The following CLUAP1 variants were observed in gnomAD, a reference collection of about 807,000 sequenced individuals.
CLUAP1 encodes the protein clusterin-associated protein 1.
In CLUAP1, 50 loss-of-function variants were observed where a neutral mutation model predicts 55.0. The observed-to-expected ratio is 0.91, with a 90% CI of 0.72 to 1.15. CLUAP1 has a LOEUF of 1.15. Ranked by LOEUF, CLUAP1 falls within the 50% of genes most tolerant of loss-of-function variation. CLUAP1 has a pLI of 0.00. For synonymous variants in CLUAP1, 195 were observed against 175.4 expected, an observed-to-expected ratio of 1.11 and a Z score of -0.88; for missense variants, 530 against 507.6, an observed-to-expected ratio of 1.04 and a Z score of -0.42.
chr16:3,500,918 T>C (rs533287060), upstream of CLUAP1: 12 of 818,000 alleles, frequency 1.5e-5, no homozygotes, highest in Middle Eastern at 3.4e-4. Flanking sequence ...CGTATGCACG[T>C]GCCGCCGCGT....
chr16:3,523,739 C>T (rs1253637391), intron 8 of CLUAP1, among the ~76,000 whole-genome samples: 3 of 152,074 alleles, frequency 2.0e-5, no homozygotes, highest in East Asian at 1.9e-4. Flanking sequence ...CCAAGACGAG[C>T]GGATCACTTG....
intron 8 of CLUAP1, among the ~76,000 whole-genome samples, chr16:3,525,142 A>G (rs750420629): frequency 6.6e-6 from 1 of 152,238 alleles, no homozygotes; most frequent in East Asian, 1.9e-4. Flanking sequence ...GAGGCAGGCC[A>G]TGGAGAAATG....
At chr16:3,521,199 C>T (rs2037825764) in intron 7 of CLUAP1, among the ~76,000 whole-genome samples, 1 of 151,996 alleles carries the variant, frequency 6.6e-6, no homozygotes, top group Non-Finnish European at 1.5e-5. Context: ...TCATTGCCGC[C>T]ATATAGATTG....
At chr16:3,509,524 T>C (rs2037578544) in intron 4 of CLUAP1, among the ~76,000 whole-genome samples, 1 of 152,194 alleles carries the variant, frequency 6.6e-6, no homozygotes, top group Admixed American at 6.5e-5. Context: ...ACCGTGGCTT[T>C]GAGCAGAGTG....
At chr16:3,509,082 C>T (rs560742524) in intron 4 of CLUAP1, among the ~76,000 whole-genome samples, 74 of 151,938 alleles carry the variant, frequency 4.9e-4, no homozygotes, top group African/African-American at 1.6e-3. Context: ...CATAGTGAGA[C>T]GCCATTTTTA....
chr16:3,527,344 G>GGGGA (rs2151064526), intron 9 of CLUAP1, among the ~76,000 whole-genome samples: 1 of 152,214 alleles, frequency 6.6e-6, no homozygotes, highest in East Asian at 1.9e-4. Flanking sequence ...TAGGAGCTGA[G>GGGGA]GGGACATGGT....
At chr16:3,507,434 C>A (rs1417057194) in intron 3 of CLUAP1, among the ~76,000 whole-genome samples, 1 of 151,362 alleles carries the variant, frequency 6.6e-6, no homozygotes, top group Non-Finnish European at 1.5e-5. Context: ...GTGACACGTG[C>A]CTGTAGTCTC....
intron 1 of CLUAP1, among the ~76,000 whole-genome samples, chr16:3,501,327 C>G (rs2037396387): frequency 1.3e-5 from 2 of 152,256 alleles, no homozygotes; most frequent in African/African-American, 4.8e-5. Flanking sequence ...CCGCGTGTGG[C>G]TCAGAACGCT....
At chr16:3,519,553 G>A (rs1415177718) in intron 6 of CLUAP1, among the ~76,000 whole-genome samples, 2 of 152,198 alleles carry the variant, frequency 1.3e-5, no homozygotes, top group Middle Eastern at 3.2e-3. Flanking sequence ...AAGGCAGACT[G>A]ACCGTCCAGA....
At chr16:3,519,611 G>T (rs1160504273) in intron 6 of CLUAP1, among the ~76,000 whole-genome samples, 1 of 152,168 alleles carries the variant, frequency 6.6e-6, no homozygotes, top group Non-Finnish European at 1.5e-5. Flanking sequence ...AAAGACTGCA[G>T]GCCTCTCCAC....
intron 8 of CLUAP1, 94 bp from the exon 9 acceptor site, chr16:3,526,318 G>T: frequency 1.4e-6 from 1 of 697,784 alleles, no homozygotes; most frequent in Non-Finnish European, 2.1e-6. Flanking sequence ...TTGTTCTGTA[G>T]CACAAACTTA....
Position 3,525,765 on chromosome 16 carries a change from C to T in CLUAP1, c.856-647C>T, listed in dbSNP as rs190408293. Among the ~76,000 whole-genome samples the T allele has an allele frequency of 4.3e-4, 66 of 152,220 alleles. 1 individual carries two copies. The highest frequency in any genetic ancestry group is 4.1e-3 in the Admixed American group (63 of 15,290). ...AATTTGTTGTAGAGATGAGGTTTCC[C>T]TATGTTGCCCAGGCTGGTCTCAAAC... On this transcript the variant is annotated intron_variant, in intron 8 of 11. Transcript: ENST00000576634.
At chr16:3,505,730 T>G (rs2037494443) in intron 2 of CLUAP1, among the ~76,000 whole-genome samples, 1 of 152,240 alleles carries the variant, frequency 6.6e-6, no homozygotes, top group African/African-American at 2.4e-5. Context: ...TACACTGGAT[T>G]AGAAATAATG....
intron 7 of CLUAP1, 75 bp from the exon 8 acceptor site, chr16:3,523,083 C>A (rs2037872357): frequency 7.9e-7 from 1 of 1,267,460 alleles, no homozygotes; most frequent in Non-Finnish European, 1.1e-6. Flanking sequence ...ACCATGGAAT[C>A]TGAAACTGTG....
In CLUAP1 at chr16:3,536,223, A is replaced by C. The variant is rs1293097782; in HGVS notation, c.1194A>C (p.Arg398=). The C allele has an allele frequency of 1.9e-6, 3 of 1,614,162 alleles. No homozygotes were observed. The highest frequency in any genetic ancestry group is 2.5e-6 in the Non-Finnish European group (3 of 1,180,024). ...SISLSPTKPN[R]RVRKSEPLDE... The stretch of plus-strand genomic sequence containing the variant: ...CTCTCTCACCAACCAAGCCCAATCG[A>C]AGGGTCCGGAAATCTGAACCCCTGG... Residue 398 remains arginine (R), a synonymous_variant, in exon 12 of 12, where the codon CGA becomes CGC. Coordinates refer to ENST00000576634, the MANE Select transcript of CLUAP1 (RefSeq NM_015041.3).
At chr16:3,524,327 C>T (rs994373843) in intron 8 of CLUAP1, among the ~76,000 whole-genome samples, 1 of 146,620 alleles carries the variant, frequency 6.8e-6, no homozygotes, top group African/African-American at 2.5e-5. Context: ...AAGGGCCGGG[C>T]GCGGTGGCTC....
chr16:3,506,246 C>T (rs567036579), intron 2 of CLUAP1, 85 bp from the exon 3 acceptor site: 97 of 1,093,782 alleles, frequency 8.9e-5, no homozygotes, highest in Non-Finnish European at 1.2e-4. Context: ...GTTCCAGACC[C>T]GCTGTCCTCT....
intron 5 of CLUAP1, among the ~76,000 whole-genome samples, chr16:3,513,053 A>C (rs988292444): frequency 6.6e-6 from 1 of 152,278 alleles, no homozygotes; most frequent in Non-Finnish European, 1.5e-5. Flanking sequence ...TGTTGTGCCC[A>C]CTGGCAGACT....
rs1444798354 is a variant in CLUAP1, at chr16:3,530,562, T to C, written c.929-6T>C. 6 of 1,611,272 alleles carry C rather than the reference T, an allele frequency of 3.7e-6. No individual in the cohort carries two copies. In the East Asian group the frequency reaches 1.3e-4, roughly 36 times the overall value. The stretch of plus-strand genomic sequence containing the variant: ...CCTTTGTTTTGCCTGCTTGTGTTCC[T>C]GCTAGGTAACGATGACTCGGACATA... On this transcript the variant is annotated splice_polypyrimidine_tract_variant and splice_region_variant and intron_variant, in intron 9 of 11. Transcript: ENST00000576634.
Sources: allele counts gnomAD v4.1 joint callset (sites outside exome capture counted in the v4.1 genomes callset), GRCh38; gene constraint gnomAD v4.1.1; transcripts MANE v1.5; gene names NCBI Gene and HGNC (gene_info 2026-07-23, HGNC 2026-07-21).